The following GALNT13 variants were observed in gnomAD, a reference collection of about 807,000 sequenced individuals.
GALNT13 encodes UDP-GalNAc:polypeptide N-acetylgalactosaminyltransferase 13.
GALNT13 carries 28 observed loss-of-function variants against 64.2 expected under a neutral mutation model. The observed-to-expected ratio is 0.44, with a 90% confidence interval of 0.32 to 0.60. The LOEUF (loss-of-function observed/expected upper bound fraction) is 0.60. GALNT13 is among the 20% of genes least tolerant of loss of function. The probability of loss-of-function intolerance (pLI) is 0.05; values close to 1 mark genes in which losing one functional copy is unlikely to be tolerated. For synonymous variants in GALNT13, 214 were observed against 224.6 expected (o/e 0.95, Z 0.42); for missense variants, 577 against 669.8 (o/e 0.86, Z 1.53).
the GALNT13 span, among the ~76,000 whole-genome samples, chr2:153,216,585 G>A: frequency 2.6e-5 from 4 of 151,882 alleles, no homozygotes; most frequent in Admixed American, 1.3e-4. Flanking sequence ...ATATTTTCAT[G>A]AGCTTGTCAC....
chr2:153,375,248 T>A, the GALNT13 span, among the ~76,000 whole-genome samples: 5 of 152,202 alleles, frequency 3.3e-5, no homozygotes, highest in Non-Finnish European at 7.4e-5. Flanking sequence ...TTCCTACACT[T>A]TTTTATGGCC....
the GALNT13 span, among the ~76,000 whole-genome samples, chr2:153,838,797 T>A: frequency 6.6e-6 from 1 of 151,826 alleles, no homozygotes; most frequent in African/African-American, 2.4e-5. Context: ...AATTTTAGGA[T>A]TTTTTTTCTA....
chr2:153,589,020 G>C, the GALNT13 span, among the ~76,000 whole-genome samples: 1 of 151,974 alleles, frequency 6.6e-6, no homozygotes, highest in South Asian at 2.1e-4. Context: ...TACAAAATTA[G>C]CCATGCCTGT....
At position 154,034,549 on chromosome 2, in the gene GALNT13, G is replaced by A. The variant is rs565778783; in HGVS notation, c.142+89910G>A. On this transcript the variant is annotated intron_variant, in intron 3 of 12. Coordinates refer to ENST00000392825, the MANE Select transcript of GALNT13 (RefSeq NM_052917.4). ...AACCATCACTTGAATAGTGTACGTC[G>A]TACTCATTAAATAATTTCTCATCCT... 1.6e-4 allele frequency among the ~76,000 whole-genome samples: 22 copies of A among 141,132 alleles called. No individual in the cohort carries two copies. The South Asian group carries it at 3.7e-3, about 24-fold the overall frequency. The allele number at this position is 141,132 out of a possible 152,430, so 92.6% of individuals were successfully genotyped here.
In GALNT13 at chr2:154,300,010, G is replaced by T. The variant is rs112826265; in HGVS notation, c.976-1399G>T. Among the ~76,000 whole-genome samples the T allele has an allele frequency of 6.7e-3, 1,018 of 151,084 alleles. 12 individuals carry two copies. The highest frequency in any genetic ancestry group is 0.024 in the African/African-American group (973 of 41,196). On this transcript the variant is annotated intron_variant, in intron 8 of 12. Coordinates refer to ENST00000392825, the MANE Select transcript of GALNT13 (RefSeq NM_052917.4). Reference sequence around the variant, plus strand: ...ATAAAAAAAGTGGTTGTCTCTTACTGCTACCCAAGTCCAATAGCAGCTCTT... The same window carrying T: ...ATAAAAAAAGTGGTTGTCTCTTACTTCTACCCAAGTCCAATAGCAGCTCTT...
At chr2:154,171,913 T>C (rs1685367990) in intron 4 of GALNT13, among the ~76,000 whole-genome samples, 1 of 151,858 alleles carries the variant, frequency 6.6e-6, no homozygotes. Flanking sequence ...CTCAATTGTG[T>C]TTTGTTCAGT....
chr2:153,180,694 T>A, the GALNT13 span, among the ~76,000 whole-genome samples: 1 of 152,158 alleles, frequency 6.6e-6, no homozygotes, highest in Non-Finnish European at 1.5e-5. Context: ...TGAAATCTCC[T>A]TACTCTTAAT....
At chr2:153,289,185 T>C in the GALNT13 span, among the ~76,000 whole-genome samples, 1 of 152,232 alleles carries the variant, frequency 6.6e-6, no homozygotes, top group South Asian at 2.1e-4. Flanking sequence ...CAACTTTAAT[T>C]AAGCTTCTAA....
intron 3 of GALNT13, among the ~76,000 whole-genome samples, chr2:153,952,722 C>T (rs139863825): frequency 7.6e-4 from 116 of 152,080 alleles, no homozygotes; most frequent in African/African-American, 2.6e-3. Flanking sequence ...TGAAGTCCCA[C>T]AATAGGCTAT....
At chr2:154,430,901 C>T (rs142842156) in intron 11 of GALNT13, among the ~76,000 whole-genome samples, 159 of 152,120 alleles carry the variant, frequency 1.0e-3, no homozygotes, top group African/African-American at 7.5e-4. Flanking sequence ...GCATTTTTAA[C>T]GATAAAATAT....
chr2:154,310,491 T>C (rs1693974944), intron 9 of GALNT13, among the ~76,000 whole-genome samples: 1 of 152,184 alleles, frequency 6.6e-6, no homozygotes, highest in South Asian at 2.1e-4. Flanking sequence ...ACCTTAATAT[T>C]ATGTCCTGCA....
intron 4 of GALNT13, among the ~76,000 whole-genome samples, chr2:154,204,182 A>G (rs1009837423): frequency 2.0e-4 from 31 of 152,054 alleles, no homozygotes; most frequent in Non-Finnish European, 4.4e-5. Context: ...CTAAGTTCAA[A>G]CATCAACCAT....
chr2:153,777,727 C>T, the GALNT13 span, among the ~76,000 whole-genome samples: 6 of 152,200 alleles, frequency 3.9e-5, no homozygotes, highest in South Asian at 4.2e-4. Context: ...CAGCAGGCTT[C>T]GGGGCTTTGA....
intron 4 of GALNT13, among the ~76,000 whole-genome samples, chr2:154,173,116 G>A (rs892479064): frequency 6.6e-6 from 1 of 151,840 alleles, no homozygotes; most frequent in Admixed American, 6.6e-5. Context: ...CATGGTATTG[G>A]CATTAAAACA....
chr2:153,635,202 T>C, the GALNT13 span, among the ~76,000 whole-genome samples: 1 of 151,976 alleles, frequency 6.6e-6, no homozygotes, highest in African/African-American at 2.4e-5. Flanking sequence ...CAGTTTAGGC[T>C]TCCTGCCCAG....
intron 3 of GALNT13, among the ~76,000 whole-genome samples, chr2:154,137,066 CTGATATTT>C (rs1682997951): frequency 6.6e-6 from 1 of 151,710 alleles, no homozygotes; most frequent in Non-Finnish European, 1.5e-5. Context: ...TGTATAGAAA[CTGATATTT>C]AAAGGTGCTT....
At chr2:153,584,994 A>G in the GALNT13 span, among the ~76,000 whole-genome samples, 1 of 152,228 alleles carries the variant, frequency 6.6e-6, no homozygotes, top group Non-Finnish European at 1.5e-5. Context: ...GTTGCTACAA[A>G]TTCACAGGAA....
intron 9 of GALNT13, among the ~76,000 whole-genome samples, chr2:154,332,659 G>A (rs767430923): frequency 1.5e-4 from 23 of 152,062 alleles, no homozygotes; most frequent in Non-Finnish European, 2.4e-4. Flanking sequence ...TCTGTCTTCC[G>A]GCTATGTGAG....
the GALNT13 span, among the ~76,000 whole-genome samples, chr2:153,079,807 C>A: frequency 3.3e-5 from 5 of 152,104 alleles, no homozygotes; most frequent in African/African-American, 1.2e-4. Context: ...GAAGTAGTTG[C>A]GTTATTGGCT....
Sources: gnomAD v4.1 joint callset for allele counts (sites outside exome capture counted in the v4.1 genomes callset) on GRCh38, gnomAD v4.1.1 for gene constraint, MANE v1.5 for transcripts, NCBI Gene and HGNC (gene_info 2026-07-23, HGNC 2026-07-21) for gene names.